CHCHD6: variants seen among roughly 807,000 people sequenced by gnomAD.
CHCHD6 encodes MICOS complex subunit MIC25.
Under a neutral mutation model 32.3 loss-of-function variants are expected in CHCHD6, and 28 were observed. That is an observed-to-expected ratio of 0.87 (90% CI 0.64 to 1.19). The LOEUF (loss-of-function observed/expected upper bound fraction) is 1.19, where lower values mean the gene tolerates loss of function less well. Ranked by LOEUF, CHCHD6 falls within the 50% of genes most tolerant of loss-of-function variation. The probability of loss-of-function intolerance (pLI) is 0.00; values close to 1 mark genes in which losing one functional copy is unlikely to be tolerated. For missense variants in CHCHD6, 333 were observed against 307.0 expected (o/e 1.08, Z -0.63); for synonymous variants, 122 against 117.5 (o/e 1.04, Z -0.25).
chr3:126,882,943 A>T (rs1354884720), intron 5 of CHCHD6, among the ~76,000 whole-genome samples: 1 of 152,198 alleles, frequency 6.6e-6, no homozygotes, highest in Non-Finnish European at 1.5e-5. Context: ...CACTGGAATG[A>T]CAGATGCAGG....
At chr3:126,907,026 A>T (rs1283561819) in intron 5 of CHCHD6, among the ~76,000 whole-genome samples, 1 of 152,154 alleles carries the variant, frequency 6.6e-6, no homozygotes, top group African/African-American at 2.4e-5. Context: ...GGGGGTACAT[A>T]TGCCCAGCAG....
chr3:126,786,038 T>C (rs1938191403), intron 4 of CHCHD6, among the ~76,000 whole-genome samples: 1 of 152,334 alleles, frequency 6.6e-6, no homozygotes, highest in South Asian at 2.1e-4. Context: ...CCAAGTGTTC[T>C]CATTGTTCAG....
At chr3:126,732,425 A>G (rs1299745895) in intron 3 of CHCHD6, among the ~76,000 whole-genome samples, 1 of 152,190 alleles carries the variant, frequency 6.6e-6, no homozygotes, top group Non-Finnish European at 1.5e-5. Flanking sequence ...AAAAGCATTT[A>G]TTGGTTCTCA....
At chr3:126,882,696 TA>T (rs1553752519) in intron 5 of CHCHD6, among the ~76,000 whole-genome samples, 1 of 152,206 alleles carries the variant, frequency 6.6e-6, no homozygotes, top group Non-Finnish European at 1.5e-5. Flanking sequence ...TGAACCTTTC[TA>T]AGGCAATTAT....
At chr3:126,913,269 G>T (rs527502069) in intron 5 of CHCHD6, among the ~76,000 whole-genome samples, 5 of 116,406 alleles carry the variant, frequency 4.3e-5, no homozygotes, top group Admixed American at 1.2e-4. Context: ...CACTTTTGTC[G>T]CCCAGGCTGA....
chr3:126,868,565 G>A (rs2077420718), intron 5 of CHCHD6, among the ~76,000 whole-genome samples: 1 of 152,150 alleles, frequency 6.6e-6, no homozygotes, highest in Non-Finnish European at 1.5e-5. Flanking sequence ...TTCACCTAGA[G>A]AGGTAACCAT....
At chr3:126,705,214 G>A (rs1433656263) in intron 1 of CHCHD6, among the ~76,000 whole-genome samples, 5 of 152,068 alleles carry the variant, frequency 3.3e-5, no homozygotes, top group African/African-American at 1.2e-4. Flanking sequence ...CTCCCACCCC[G>A]CGTCCAACAT....
At chr3:126,812,163 A>G (rs1447979449) in intron 4 of CHCHD6, among the ~76,000 whole-genome samples, 2 of 151,680 alleles carry the variant, frequency 1.3e-5, no homozygotes, top group African/African-American at 2.4e-5. Context: ...TCAAATTATC[A>G]ATCTTCCATG....
At chr3:126,761,400 G>C (rs980238120) in intron 4 of CHCHD6, among the ~76,000 whole-genome samples, 4 of 151,974 alleles carry the variant, frequency 2.6e-5, no homozygotes, top group African/African-American at 9.7e-5. Context: ...GACATTTAGG[G>C]CCCACCATAA....
At chr3:126,927,905 G>C (rs528028787) in intron 6 of CHCHD6, among the ~76,000 whole-genome samples, 11 of 152,112 alleles carry the variant, frequency 7.2e-5, no homozygotes, top group Non-Finnish European at 1.6e-4. Context: ...AGTTATTTGC[G>C]CCTTGAGGGA....
chr3:126,759,150 C>T (rs1363401313), intron 4 of CHCHD6, among the ~76,000 whole-genome samples: 2 of 152,192 alleles, frequency 1.3e-5, no homozygotes, highest in African/African-American at 4.8e-5. Flanking sequence ...TTCTTGTAAT[C>T]CAGTGGTTAG....
intron 5 of CHCHD6, among the ~76,000 whole-genome samples, chr3:126,914,432 G>A (rs77287542): frequency 0.01 from 1,535 of 152,282 alleles, 26 homozygotes; most frequent in African/African-American, 0.034. Context: ...GATTTTGCCC[G>A]TGGATCGTGG....
intron 4 of CHCHD6, among the ~76,000 whole-genome samples, chr3:126,791,309 C>T (rs544331322): frequency 6.6e-6 from 1 of 152,218 alleles, no homozygotes; most frequent in African/African-American, 2.4e-5. Flanking sequence ...ATTCTCAGAT[C>T]TCAGACTCCG....
intron 4 of CHCHD6, among the ~76,000 whole-genome samples, chr3:126,824,927 T>G (rs1315884788): frequency 4.6e-5 from 7 of 152,194 alleles, no homozygotes; most frequent in African/African-American, 1.7e-4. Flanking sequence ...ATGTCATTGA[T>G]TTGTATCCTT....
intron 5 of CHCHD6, among the ~76,000 whole-genome samples, chr3:126,881,843 G>A (rs942696826): frequency 4.6e-5 from 7 of 152,204 alleles, no homozygotes; most frequent in African/African-American, 1.2e-4. Flanking sequence ...CTGCGGGAGG[G>A]CATCTGAAGG....
At chr3:126,771,662 A>T (rs1937545086) in intron 4 of CHCHD6, among the ~76,000 whole-genome samples, 1 of 151,764 alleles carries the variant, frequency 6.6e-6, no homozygotes, top group Admixed American at 6.6e-5. Flanking sequence ...GATTTAGGTT[A>T]TTTTTTGTCT....
At chr3:126,940,752 C>T (rs1000070554) in intron 6 of CHCHD6, among the ~76,000 whole-genome samples, 1 of 152,204 alleles carries the variant, frequency 6.6e-6, no homozygotes, top group Non-Finnish European at 1.5e-5. Flanking sequence ...ATCTTTACTG[C>T]TATCAAAGGA....
intron 4 of CHCHD6, chr3:126,767,084 C>T (rs1001141742): frequency 3.9e-5 from 47 of 1,193,572 alleles, no homozygotes; most frequent in African/African-American, 1.8e-4. Context: ...CTCTGTCCGC[C>T]GTGCCCGGGC....
intron 4 of CHCHD6, among the ~76,000 whole-genome samples, chr3:126,738,041 T>G (rs1936125247): frequency 6.6e-6 from 1 of 152,170 alleles, no homozygotes; most frequent in Non-Finnish European, 1.5e-5. Context: ...AGTGCTTCCG[T>G]CCCTGGATGT....
Sources: gnomAD v4.1 joint callset for allele counts (sites outside exome capture counted in the v4.1 genomes callset) on GRCh38, gnomAD v4.1.1 for gene constraint, MANE v1.5 for transcripts, NCBI Gene and HGNC (gene_info 2026-07-23, HGNC 2026-07-21) for gene names.